DPP6: variants seen among roughly 807,000 people sequenced by gnomAD.
DPP6 encodes the protein dipeptidyl peptidase like 6, also known as A-type potassium channel modulatory protein DPP6.
DPP6 carries 69 observed loss-of-function variants against 122.6 expected under a neutral mutation model. The observed-to-expected ratio is 0.56, with a 90% CI of 0.46 to 0.69. The LOEUF (loss-of-function observed/expected upper bound fraction) is 0.69. DPP6 is among the 30% of genes least tolerant of loss of function. DPP6 has a pLI of 0.00. For missense variants in DPP6, 928 were observed against 1,116.9 expected (o/e 0.83, Z 2.41); for synonymous variants, 418 against 433.1 (o/e 0.97, Z 0.43).
intron 5 of DPP6, among the ~76,000 whole-genome samples, chr7:154,628,663 C>T (rs899416910): frequency 6.6e-6 from 1 of 152,104 alleles, no homozygotes; most frequent in African/African-American, 2.4e-5. Flanking sequence ...TTTAACTATC[C>T]AAAGAAGGAT....
intron 1 of DPP6, among the ~76,000 whole-genome samples, chr7:154,004,923 A>G (rs1178660910): frequency 6.6e-6 from 1 of 152,190 alleles, no homozygotes; most frequent in Non-Finnish European, 1.5e-5. Flanking sequence ...TTTGTCGCCT[A>G]TAATAGTTGT....
intron 3 of DPP6, among the ~76,000 whole-genome samples, chr7:154,520,056 T>G (rs190168268): frequency 6.6e-6 from 1 of 152,308 alleles, no homozygotes; most frequent in Non-Finnish European, 1.5e-5. Flanking sequence ...CAAAAAACGC[T>G]GCAATGGGAT....
At chr7:154,761,635 G>A (rs1036680334) in intron 8 of DPP6, among the ~76,000 whole-genome samples, 2 of 152,232 alleles carry the variant, frequency 1.3e-5, no homozygotes, top group African/African-American at 4.8e-5. Flanking sequence ...GGGAGCAGGT[G>A]CATCACGTGG....
chr7:154,088,125 A>G (rs1399788525), intron 1 of DPP6, among the ~76,000 whole-genome samples: 7 of 152,090 alleles, frequency 4.6e-5, no homozygotes, highest in Non-Finnish European at 1.5e-5. Flanking sequence ...GTGGCACAGC[A>G]CCTGCCCCAG....
chr7:153,900,171 G>A (rs38974), intron 1 of DPP6, among the ~76,000 whole-genome samples: 25,466 of 151,780 alleles, frequency 0.17, 2,639 homozygotes, highest in Middle Eastern at 0.26. Flanking sequence ...ACTCTTTGTG[G>A]TGAAGTGCCA....
At chr7:154,388,731 G>T (rs1428663891) in intron 1 of DPP6, among the ~76,000 whole-genome samples, 1 of 152,148 alleles carries the variant, frequency 6.6e-6, no homozygotes, top group African/African-American at 2.4e-5. Context: ...GTGAATGGGG[G>T]TGGTTTGGGG....
At chr7:154,847,133 A>G (rs1355821067) in intron 16 of DPP6, among the ~76,000 whole-genome samples, 1 of 152,188 alleles carries the variant, frequency 6.6e-6, no homozygotes, top group Non-Finnish European at 1.5e-5. Flanking sequence ...ACGCATGAGC[A>G]TCTTCAGATG....
At chr7:154,051,359 C>A (rs976800458), upstream of DPP6, among the ~76,000 whole-genome samples, 1 of 144,402 alleles carries the variant, frequency 6.9e-6, no homozygotes, top group African/African-American at 2.6e-5. Context: ...GCAAGGAGGA[C>A]GTGGGGACGA....
chr7:154,807,768 G>A (rs1174494236), intron 16 of DPP6, among the ~76,000 whole-genome samples: 3 of 152,172 alleles, frequency 2.0e-5, no homozygotes, highest in African/African-American at 7.2e-5. Context: ...GTTGCAGTGA[G>A]CTGAGATCGC....
chr7:154,245,634 T>TGAAAAAAAAAAA (rs1563363019), intron 1 of DPP6, among the ~76,000 whole-genome samples: 1 of 24,146 alleles, frequency 4.1e-5, no homozygotes. Flanking sequence ...TAAGACTGTC[T>TGAAAAAAAAAAA]CAAAAAAAAA....
In DPP6 at chr7:154,398,609, A is replaced by G. The variant is rs985989380; in HGVS notation, c.244-47605A>G. ...CATTTCAAGTAGAGGGACATCCTTC[A>G]TATTTTCTCTCTCTCTCTCTCCTGG... On this transcript the variant is annotated intron_variant, in intron 1 of 25. Transcript: ENST00000377770. Among the ~76,000 whole-genome samples the G allele has an allele frequency of 5.4e-5, 8 of 148,988 alleles. No homozygotes were observed. In the East Asian group the frequency reaches 6.0e-4, roughly 11 times the overall value.
At chr7:153,929,597 T>A (rs1801079823) in intron 1 of DPP6, among the ~76,000 whole-genome samples, 1 of 151,996 alleles carries the variant, frequency 6.6e-6, no homozygotes, top group Non-Finnish European at 1.5e-5. Context: ...CTGGGGAAAG[T>A]ACAGACTTGT....
intron 25 of DPP6, 89 bp downstream of exon 25, chr7:154,889,619 T>C (rs774651627): frequency 1.3e-6 from 2 of 1,538,918 alleles, no homozygotes; most frequent in Non-Finnish European, 1.8e-6. Flanking sequence ...GGCCTTCTAC[T>C]GCAGCAGACA....
chr7:154,121,259 TAC>T (rs1482892385), intron 1 of DPP6, among the ~76,000 whole-genome samples: 1 of 152,234 alleles, frequency 6.6e-6, no homozygotes, highest in Admixed American at 6.5e-5. Flanking sequence ...TTCTATTCTC[TAC>T]GTTATTTACT....
At chr7:154,236,982 G>A (rs537280902) in intron 1 of DPP6, among the ~76,000 whole-genome samples, 1 of 152,160 alleles carries the variant, frequency 6.6e-6, no homozygotes, top group East Asian at 1.9e-4. Context: ...CTCACCCCCT[G>A]TGTCTCATCC....
intron 23 of DPP6, among the ~76,000 whole-genome samples, chr7:154,888,467 C>T (rs2150700328): frequency 6.6e-6 from 1 of 152,304 alleles, no homozygotes; most frequent in South Asian, 2.1e-4. Context: ...TTTGGTGCAG[C>T]TGTCAGACAC....
chr7:154,171,734 C>T (rs1362221111), intron 1 of DPP6, among the ~76,000 whole-genome samples: 1 of 152,154 alleles, frequency 6.6e-6, no homozygotes, highest in Non-Finnish European at 1.5e-5. Context: ...TCTCCAGCAA[C>T]ACTGTTGAGC....
At chr7:153,794,616 G>A in the DPP6 span, among the ~76,000 whole-genome samples, 4 of 152,148 alleles carry the variant, frequency 2.6e-5, no homozygotes, top group African/African-American at 9.7e-5. Context: ...GACTTTGGGG[G>A]ACTGTTGGGA....
intron 21 of DPP6, chr7:154,884,025 TAC>T (rs1325573411): frequency 4.9e-5 from 4 of 81,592 alleles, no homozygotes; most frequent in South Asian, 8.3e-4. Flanking sequence ...CGCTCACACA[TAC>T]ACTCACACAC....
Sources: allele counts gnomAD v4.1 joint callset (sites outside exome capture counted in the v4.1 genomes callset), GRCh38; gene constraint gnomAD v4.1.1; transcripts MANE v1.5; gene names NCBI Gene and HGNC (gene_info 2026-07-23, HGNC 2026-07-21).